TSKU: variants seen among roughly 807,000 people sequenced by gnomAD.
TSKU encodes the protein tsukushi.
A neutral mutation model predicts 11.2 loss-of-function variants in TSKU; 4 were observed. The observed-to-expected ratio is 0.36, with a 90% confidence interval of 0.18 to 0.82. The LOEUF (loss-of-function observed/expected upper bound fraction) is 0.82. TSKU is among the 40% of genes least tolerant of loss of function. The probability of loss-of-function intolerance (pLI) is 0.50; values close to 1 mark genes in which losing one functional copy is unlikely to be tolerated. For missense variants in TSKU, 407 were observed against 482.5 expected, an observed-to-expected ratio of 0.84 and a Z score of 1.47; for synonymous variants, 220 against 232.2, an observed-to-expected ratio of 0.95 and a Z score of 0.48.
chr11:76,787,907 A>T (rs777269590), intron 1 of TSKU, among the ~76,000 whole-genome samples: 1 of 152,106 alleles, frequency 6.6e-6, no homozygotes, highest in Non-Finnish European at 1.5e-5. Context: ...CAAAATAGGG[A>T]CAGTATCCCC....
Position 76,796,238 on chromosome 11 carries a change from C to T in TSKU, c.622C>T (p.Arg208Cys), listed in dbSNP as rs3740772. The change falls in exon 2 of 2, where the codon CGC (arginine) becomes TGC (cysteine). Residue 208 changes from arginine (R) to cysteine (C), a missense_variant. By Grantham distance (180) the Arg-to-Cys change is radical. Coordinates refer to ENST00000333090, the MANE Select transcript of TSKU (RefSeq NM_015516.4). The surrounding 1 kb of genome is among the most constrained non-coding windows in gnomAD (Gnocchi z 4.1). ...GCCCAACCTCCGAGACTTGCCCCTG[C>T]GCTACCTGAGCCTGGATGGGAACCC... ...AVPNLRDLPL[R>C]YLSLDGNPLA... 10,045 of 1,613,508 alleles carry T rather than the reference C, an allele frequency of 6.2e-3. 241 individuals carry two copies. Among genetic ancestry groups the T allele is most frequent in the East Asian group, 0.061 (2,734 of 44,842 alleles).
In TSKU at chr11:76,797,677, C is replaced by T. The variant is rs1423615936; in HGVS notation, c.*999C>T. Reference sequence around the variant, plus strand: ...TGGAGCCTCATCTGGCTGGGATCTCCAAGGGGCCTCCTGGATTCAGTCCCC... The same window carrying T: ...TGGAGCCTCATCTGGCTGGGATCTCTAAGGGGCCTCCTGGATTCAGTCCCC... On this transcript the variant is annotated 3_prime_UTR_variant, in exon 2 of 2. Coordinates refer to ENST00000333090, the MANE Select transcript of TSKU (RefSeq NM_015516.4). 1 of 167,094 alleles carries T rather than the reference C, an allele frequency of 6.0e-6. No homozygotes were observed. The highest frequency in any genetic ancestry group is 6.5e-5 in the Admixed American group (1 of 15,284). 10.4% of individuals were successfully genotyped at this position (167,094 alleles called of 1,614,324 possible).
intron 1 of TSKU, among the ~76,000 whole-genome samples, chr11:76,784,978 A>G (rs1353669892): frequency 6.6e-6 from 1 of 152,200 alleles, no homozygotes; most frequent in African/African-American, 2.4e-5. Context: ...AAGGGGAGGT[A>G]TTGATAGCCT....
At chr11:76,791,449 G>GA (rs139836602) in intron 1 of TSKU, among the ~76,000 whole-genome samples, 5,011 of 152,182 alleles carry the variant, frequency 0.033, 279 homozygotes, top group African/African-American at 0.11. Flanking sequence ...GGCGTAGGAG[G>GA]AAAAAAATGG....
chr11:76,795,621 C>T lies in TSKU; in HGVS notation c.5C>T (p.Pro2Leu), dbSNP rs778200605. 15 of 1,609,928 alleles carry T rather than the reference C, an allele frequency of 9.3e-6. No individual in the cohort carries two copies. Among genetic ancestry groups the T allele is most frequent in the African/African-American group, 4.0e-5 (3 of 74,922 alleles). The change falls in exon 2 of 2, where the codon CCG becomes CTG. Residue 2 changes from proline to leucine, a missense_variant. By Grantham distance (98) the Pro-to-Leu change is moderately conservative (BLOSUM62 -3). Transcript: ENST00000333090. Reference protein sequence around the residue: MPWPLLLLLAVS... With the variant: MLWPLLLLLAVS... ...GCTCTCTTTCTAGCCCCCACCATGC[C>T]GTGGCCCCTGCTGCTGCTGCTGGCC...
chr11:76,783,993 C>T (rs1944275461), intron 1 of TSKU, among the ~76,000 whole-genome samples: 1 of 152,206 alleles, frequency 6.6e-6, no homozygotes, highest in Non-Finnish European at 1.5e-5. Flanking sequence ...CAGTCCTCCC[C>T]ACCGCTACCC....
chr11:76,795,878 G>A lies in TSKU; in HGVS notation c.262G>A (p.Gly88Ser), dbSNP rs1375845301. 6.2e-7 allele frequency: 1 copy of A among 1,613,808 alleles called. No individual in the cohort carries two copies. The highest frequency in any genetic ancestry group is 1.6e-4 in the Middle Eastern group (1 of 6,062). The change falls in exon 2 of 2, where the codon GGC (glycine) becomes AGC (serine). Residue 88 changes from glycine to serine, a missense_variant. Transcript: ENST00000333090. Reference sequence around the variant, plus strand: ...GGGGCCGGGCTACACGACGTTGGCTGGCCTGGATCTCAGCCACAACCTGCT... The same window carrying A: ...GGGGCCGGGCTACACGACGTTGGCTAGCCTGGATCTCAGCCACAACCTGCT... ...LAGPGYTTLA[G>S]LDLSHNLLTS...
intron 1 of TSKU, among the ~76,000 whole-genome samples, chr11:76,786,704 C>T (rs1371022050): frequency 6.6e-6 from 1 of 152,132 alleles, no homozygotes; most frequent in Non-Finnish European, 1.5e-5. Flanking sequence ...ACAGTGACCC[C>T]AACTGCCCAG....
chr11:76,786,016 C>T (rs1944308852), intron 1 of TSKU, among the ~76,000 whole-genome samples: 1 of 152,254 alleles, frequency 6.6e-6, no homozygotes, highest in South Asian at 2.1e-4. Flanking sequence ...GTGTGTATTA[C>T]ATTGTGCAGA....
At chr11:76,790,150 A>G (rs985845441) in intron 1 of TSKU, among the ~76,000 whole-genome samples, 1 of 151,750 alleles carries the variant, frequency 6.6e-6, no homozygotes. Context: ...GATTATCTAA[A>G]CTGAACCTCT....
Position 76,796,577 on chromosome 11 carries a change from C to T in TSKU, c.961C>T (p.Arg321Trp), listed in dbSNP as rs1944453847. 17 of 1,559,658 alleles carry T rather than the reference C, an allele frequency of 1.1e-5. No homozygotes were observed. Among genetic ancestry groups the T allele is most frequent in the Non-Finnish European group, 1.2e-5 (14 of 1,151,572 alleles). ...GGATGTGCGGTGCCGGCGCCTGGTGCGGGAGGGCACCTACCCCCGGAGGCC... is the reference window on the plus strand; with the variant it reads ...GGATGTGCGGTGCCGGCGCCTGGTGTGGGAGGGCACCTACCCCCGGAGGCC... ...GQDVRCRRLV[R>W]EGTYPRRPGS... The change falls in exon 2 of 2, where the codon CGG (arginine) becomes TGG (tryptophan). Residue 321 changes from arginine (R) to tryptophan (W), a missense_variant. By Grantham distance (101) the Arg-to-Trp change is moderately radical. Transcript: ENST00000333090. The surrounding 1 kb of genome is among the most constrained non-coding windows in gnomAD (Gnocchi z 4.1).
intron 1 of TSKU, among the ~76,000 whole-genome samples, chr11:76,793,465 T>C (rs938990829): frequency 4.6e-5 from 7 of 152,192 alleles, no homozygotes; most frequent in South Asian, 2.1e-4. Context: ...GTTACATAAG[T>C]GGGAGCTCAT....
At chr11:76,791,711 C>T (rs1944373062) in intron 1 of TSKU, 1 of 152,238 alleles carries the variant, frequency 6.6e-6, no homozygotes, top group Non-Finnish European at 1.5e-5. Context: ...AACCAAAGCT[C>T]AACACCACTT....
intron 1 of TSKU, among the ~76,000 whole-genome samples, chr11:76,789,790 TG>T (rs1036539796): frequency 8.5e-5 from 13 of 152,150 alleles, no homozygotes; most frequent in Non-Finnish European, 1.6e-4. Context: ...CTCTTTTTCC[TG>T]GGGGTAGAGT....
At chr11:76,784,975 G>A (rs764742097) in intron 1 of TSKU, among the ~76,000 whole-genome samples, 5 of 152,202 alleles carry the variant, frequency 3.3e-5, no homozygotes, top group Admixed American at 2.6e-4. Flanking sequence ...TGGAAGGGGA[G>A]GTATTGATAG....
intron 1 of TSKU, among the ~76,000 whole-genome samples, chr11:76,784,565 C>A (rs558485604): frequency 6.6e-6 from 1 of 152,324 alleles, no homozygotes; most frequent in African/African-American, 2.4e-5. Flanking sequence ...GGCGAGAACT[C>A]CCTCGCGGCT....
rs142652797 is a variant in TSKU, at chr11:76,787,402, C to T, written c.-9+3998C>T. ...GGCTTACAGGTCCCTGCGATCATGT[C>T]ATGGAGGAGGCCAGGTACTGGATGT... On this transcript the variant is annotated intron_variant, in intron 1 of 1. Transcript: ENST00000333090. Among the ~76,000 whole-genome samples the T allele has an allele frequency of 1.1e-3, 166 of 152,346 alleles. 1 individual carries two copies. Among genetic ancestry groups the T allele is most frequent in the Non-Finnish European group, 1.7e-3 (118 of 68,038 alleles).
chr11:76,791,102 C>T (rs1462664042), intron 1 of TSKU, among the ~76,000 whole-genome samples: 1 of 152,144 alleles, frequency 6.6e-6, no homozygotes, highest in Non-Finnish European at 1.5e-5. Context: ...GCAATTTGCT[C>T]CTGCCCTAGA....
chr11:76,786,201 C>T lies in TSKU; in HGVS notation c.-9+2797C>T, dbSNP rs1262778873. Among the ~76,000 whole-genome samples the T allele has an allele frequency of 2.6e-5, 4 of 152,336 alleles. No individual in the cohort carries two copies. The East Asian group carries it at 7.7e-4, about 29-fold the overall frequency. Reference sequence around the variant, plus strand: ...ATGACATTTCATTCATCTGATTTATCACCTTCATGTGGCCAGGCTCGTGCA... The same window carrying T: ...ATGACATTTCATTCATCTGATTTATTACCTTCATGTGGCCAGGCTCGTGCA... On this transcript the variant is annotated intron_variant, in intron 1 of 1. Coordinates refer to ENST00000333090, the MANE Select transcript of TSKU (RefSeq NM_015516.4).
Sources: allele counts gnomAD v4.1 joint callset (sites outside exome capture counted in the v4.1 genomes callset), GRCh38; gene constraint gnomAD v4.1.1; non-coding constraint Gnocchi (gnomAD v3.1); transcripts MANE v1.5; gene names NCBI Gene and HGNC (gene_info 2026-07-23, HGNC 2026-07-21).